TARS3: variants seen among roughly 807,000 people sequenced by gnomAD.
The protein encoded by TARS3 is threonyl-tRNA synthetase 3.
TARS3 carries 94 observed loss-of-function variants against 103.5 expected under a neutral mutation model. The ratio of observed to expected loss-of-function variants is 0.91; its 90% CI spans 0.77 to 1.08. The LOEUF (loss-of-function observed/expected upper bound fraction) is 1.08. Among genes scored for constraint, TARS3 ranks in the 50% least tolerant of loss-of-function variants. The pLI is 0.00. For missense variants in TARS3, 952 were observed against 995.2 expected (o/e 0.96, Z 0.58); for synonymous variants, 416 against 355.4 (o/e 1.17, Z -1.92).
chr15:101,660,614 G>C (rs960682986), intron 16 of TARS3, among the ~76,000 whole-genome samples: 3 of 152,190 alleles, frequency 2.0e-5, no homozygotes, highest in African/African-American at 7.2e-5. Flanking sequence ...TGATGAAAGG[G>C]ATCCAACGTA....
intron 5 of TARS3, among the ~76,000 whole-genome samples, chr15:101,710,283 T>C (rs539772569): frequency 2.0e-5 from 3 of 152,320 alleles, no homozygotes; most frequent in Non-Finnish European, 2.9e-5. Flanking sequence ...TTCATCTCTA[T>C]CCTTTGTAAC....
At chr15:101,692,919 T>C (rs913051344) in intron 10 of TARS3, among the ~76,000 whole-genome samples, 2 of 152,158 alleles carry the variant, frequency 1.3e-5, no homozygotes, top group Non-Finnish European at 2.9e-5. Context: ...ATTCACTCCA[T>C]CTAAGGTTGT....
chr15:101,672,036 C>A (rs1051479897), intron 13 of TARS3, among the ~76,000 whole-genome samples: 5 of 152,084 alleles, frequency 3.3e-5, no homozygotes, highest in Non-Finnish European at 7.4e-5. Flanking sequence ...TTTTGACCCT[C>A]CTCCCAACAC....
At chr15:101,677,501 C>CG (rs1898076686) in intron 12 of TARS3, among the ~76,000 whole-genome samples, 1 of 143,284 alleles carries the variant, frequency 7.0e-6, no homozygotes, top group Non-Finnish European at 1.5e-5. Flanking sequence ...AGTTCTCCAG[C>CG]TTTTTTTTTT....
In TARS3 at chr15:101,663,298, G is replaced by A. The variant is rs547554415; in HGVS notation, c.1968-1482C>T. On this transcript the variant is annotated intron_variant, in intron 15 of 18. Coordinates refer to ENST00000335968, the MANE Select transcript of TARS3 (RefSeq NM_152334.3). ...ACGCTGGTGTCCTGCACCCAAGGAA[G>A]CTGAAAAATTCCTATCATCTAGTGA... 3.4e-4 allele frequency among the ~76,000 whole-genome samples: 52 copies of A among 152,314 alleles called. No homozygotes were observed. The South Asian group carries it at 0.011, about 32-fold the overall frequency.
intron 13 of TARS3, among the ~76,000 whole-genome samples, chr15:101,675,320 G>A (rs1257945746): frequency 6.6e-6 from 1 of 152,122 alleles, no homozygotes; most frequent in Non-Finnish European, 1.5e-5. Flanking sequence ...AGCAATCAGA[G>A]GATTTCTTTA....
intron 10 of TARS3, among the ~76,000 whole-genome samples, chr15:101,690,971 C>T (rs934850511): frequency 1.3e-5 from 2 of 152,064 alleles, no homozygotes; most frequent in South Asian, 2.1e-4. Flanking sequence ...TGGAGTCTCG[C>T]TCTGTCACAC....
chr15:101,722,896 A>G (rs1469182157), intron 2 of TARS3, among the ~76,000 whole-genome samples, 197 bp downstream of exon 2: 1 of 152,094 alleles, frequency 6.6e-6, no homozygotes, highest in East Asian at 1.9e-4. Flanking sequence ...TAGATTAAAT[A>G]CACGTGTTTA....
chr15:101,672,154 C>T (rs377156451), intron 13 of TARS3, among the ~76,000 whole-genome samples: 5 of 152,134 alleles, frequency 3.3e-5, no homozygotes, highest in East Asian at 3.9e-4. Context: ...CACTCTGAGT[C>T]TGGGTGGGTA....
chr15:101,695,196 G>T (rs1338281912), intron 10 of TARS3, among the ~76,000 whole-genome samples: 1 of 152,064 alleles, frequency 6.6e-6, no homozygotes, highest in Non-Finnish European at 1.5e-5. Flanking sequence ...ACAGTCATGC[G>T]ACTTCTGCCA....
chr15:101,691,131 G>A (rs1474502813), intron 10 of TARS3, among the ~76,000 whole-genome samples: 1 of 151,380 alleles, frequency 6.6e-6, no homozygotes, highest in Non-Finnish European at 1.5e-5. Flanking sequence ...AGTAGAGATG[G>A]GGTTTCACCG....
chr15:101,680,504 G>A (rs985201912), intron 12 of TARS3, among the ~76,000 whole-genome samples: 6 of 152,136 alleles, frequency 3.9e-5, no homozygotes, highest in African/African-American at 1.2e-4. Context: ...TAGCCAGTGT[G>A]CCCTTTTTCT....
At chr15:101,679,734 C>T (rs1006242175) in intron 12 of TARS3, among the ~76,000 whole-genome samples, 1 of 152,074 alleles carries the variant, frequency 6.6e-6, no homozygotes, top group African/African-American at 2.4e-5. Context: ...TATAGTAAGC[C>T]TCTGGATCTT....
In TARS3 at chr15:101,711,868, T is replaced by A; in HGVS notation, c.812+12A>T. The A allele has an allele frequency of 1.6e-5, 26 of 1,613,138 alleles. No homozygotes were observed. The highest frequency in any genetic ancestry group is 2.1e-5 in the Non-Finnish European group (25 of 1,179,422). ...AACACATGCATTCACAAGCCAGTATTCAGTGTGTTACCTGTCTTCAATGAA... is the reference window on the plus strand; with the variant it reads ...AACACATGCATTCACAAGCCAGTATACAGTGTGTTACCTGTCTTCAATGAA... On this transcript the variant is annotated intron_variant, in intron 5 of 18. Coordinates refer to ENST00000335968, the MANE Select transcript of TARS3 (RefSeq NM_152334.3).
At chr15:101,702,063 G>A (rs1173512181) in intron 9 of TARS3, among the ~76,000 whole-genome samples, 176 bp downstream of exon 9, 1 of 152,322 alleles carries the variant, frequency 6.6e-6, no homozygotes, top group South Asian at 2.1e-4. Flanking sequence ...AAGGAAAGAG[G>A]TTAGAAGACA....
Position 101,687,430 on chromosome 15 carries a change from A to G in TARS3, c.1321-1368T>C, listed in dbSNP as rs549110534. 2.0e-5 allele frequency among the ~76,000 whole-genome samples: 3 copies of G among 152,244 alleles called. No homozygotes were observed. In the East Asian group the frequency reaches 5.8e-4, roughly 29 times the overall value. ...AAAAAGAAAGAAAATGTTTAACAAAATGATGTCATTAAGAATGGCAGTGAT... is the reference window on the plus strand; with the variant it reads ...AAAAAGAAAGAAAATGTTTAACAAAGTGATGTCATTAAGAATGGCAGTGAT... On this transcript the variant is annotated intron_variant, in intron 10 of 18. Transcript: ENST00000335968.
chr15:101,724,054 G>GC, intron 1 of TARS3, 37 bp downstream of exon 1: 2 of 1,328,396 alleles, frequency 1.5e-6, no homozygotes, highest in Non-Finnish European at 1.9e-6. Context: ...GGCCCGCCCC[G>GC]CCCGCGTCCT....
chr15:101,689,546 G>A (rs979563662), intron 10 of TARS3, among the ~76,000 whole-genome samples: 9 of 152,144 alleles, frequency 5.9e-5, no homozygotes, highest in African/African-American at 2.2e-4. Flanking sequence ...AGAGACAGAT[G>A]CACACAAGGG....
intron 16 of TARS3, among the ~76,000 whole-genome samples, chr15:101,660,952 C>T (rs1897352419): frequency 6.6e-6 from 1 of 152,230 alleles, no homozygotes; most frequent in South Asian, 2.1e-4. Flanking sequence ...TGATCATCCA[C>T]ATTTCTGCTT....
Sources: allele counts gnomAD v4.1 joint callset (sites outside exome capture counted in the v4.1 genomes callset), GRCh38; gene constraint gnomAD v4.1.1; transcripts MANE v1.5; gene names NCBI Gene and HGNC (gene_info 2026-07-23, HGNC 2026-07-21).